TRIM22: variants seen among roughly 807,000 people sequenced by gnomAD.
The protein encoded by TRIM22 is E3 ubiquitin-protein ligase TRIM22.
Under a neutral mutation model 53.6 loss-of-function variants are expected in TRIM22, and 45 were observed. The observed-to-expected ratio is 0.84, with a 90% CI of 0.66 to 1.08. TRIM22 has a LOEUF of 1.08. Ranked by LOEUF, TRIM22 falls within the 50% of genes least tolerant of loss-of-function variation. TRIM22 has a pLI of 0.00. For missense variants in TRIM22, 616 were observed against 590.9 expected (o/e 1.04, Z -0.44); for synonymous variants, 225 against 216.6 (o/e 1.04, Z -0.34).
At chr11:5,696,824 G>A (rs1853271262) in intron 2 of TRIM22, 169 bp downstream of exon 2, 1 of 686,846 alleles carries the variant, frequency 1.5e-6, no homozygotes, top group Non-Finnish European at 2.3e-6. Flanking sequence ...GGACACTGCT[G>A]CACATTGTTT....
chr11:5,690,135 C>G (rs964043410), intron 1 of TRIM22, among the ~76,000 whole-genome samples: 5 of 152,150 alleles, frequency 3.3e-5, no homozygotes, highest in African/African-American at 1.2e-4. Context: ...CCTAGAGGGA[C>G]CATTCATTTC....
chr11:5,708,583 C>T lies in TRIM22; in HGVS notation c.881C>T (p.Thr294Ile). Residue 294 changes from threonine to isoleucine, a missense_variant, in exon 7 of 8, where the codon ACA (threonine) becomes ATA (isoleucine). Physicochemically the swap from Thr to Ile is moderately conservative, Grantham distance 89. Transcript: ENST00000379965. ...GAAACTTTTGTCGTTTCAGAGCTGA[C>T]AGATGTCCAGTACTACTGGGGTAAG... ...SGMLQVLKEL[T>I]DVQYYWVDVM... 1 of 1,605,082 alleles carries T rather than the reference C, an allele frequency of 6.2e-7. No individual in the cohort carries two copies. Among genetic ancestry groups the T allele is most frequent in the Non-Finnish European group, 8.5e-7 (1 of 1,177,630 alleles).
rs1046841326 is a variant in TRIM22 at position 5,710,192 on chromosome 11, T to A, written c.*544T>A. The stretch of plus-strand genomic sequence containing the variant: ...GAAGGCACGATTTCACTCATAACAA[T>A]CTTACCCTTTCTTGCAAGAGATGCT... On this transcript the variant is annotated 3_prime_UTR_variant, in exon 8 of 8. Transcript: ENST00000379965. The A allele has an allele frequency of 6.6e-6, 1 of 152,546 alleles. No homozygotes were observed. The highest frequency in any genetic ancestry group is 2.4e-5 in the African/African-American group (1 of 41,452). 9.4% of individuals were successfully genotyped at this position (152,546 alleles called of 1,614,324 possible).
intron 5 of TRIM22, among the ~76,000 whole-genome samples, chr11:5,707,111 C>G (rs1853471722): frequency 1.3e-5 from 2 of 152,128 alleles, no homozygotes; most frequent in African/African-American, 4.8e-5. Flanking sequence ...CTAGCATAAC[C>G]TTTTCTTGCT....
At position 5,707,749 on chromosome 11, in the gene TRIM22, T is replaced by C. The variant is rs541464031; in HGVS notation, c.774-424T>C. On this transcript the variant is annotated intron_variant, in intron 5 of 7. Coordinates refer to ENST00000379965, the MANE Select transcript of TRIM22 (RefSeq NM_006074.5). ...ATGGCTTGAACCTGGGAGGCAGAGGTTGCAGTGAGCCGAGGTCGCGCCACT... is the reference window on the plus strand; with the variant it reads ...ATGGCTTGAACCTGGGAGGCAGAGGCTGCAGTGAGCCGAGGTCGCGCCACT... Among the ~76,000 whole-genome samples, 17 of 152,078 alleles carry C rather than the reference T, an allele frequency of 1.1e-4. No homozygotes were observed. In the South Asian group the frequency reaches 3.5e-3, roughly 32 times the overall value.
chr11:5,702,046 T>C (rs1853380849), intron 4 of TRIM22, among the ~76,000 whole-genome samples: 1 of 149,356 alleles, frequency 6.7e-6, no homozygotes, highest in Non-Finnish European at 1.5e-5. Context: ...TCTTAGCTTA[T>C]TAGTTATATA....
rs1311246266 is a variant in TRIM22, at chr11:5,710,518, A to C, written c.*870A>C. The C allele has an allele frequency of 6.6e-6, 1 of 152,222 alleles. No individual in the cohort carries two copies. The highest frequency in any genetic ancestry group is 6.5e-5 in the Admixed American group (1 of 15,288). The allele number at this position is 152,222 out of a possible 1,614,324, so 9.4% of individuals were successfully genotyped here. A position where few individuals can be genotyped will look rare whatever the true frequency, so the allele number is the denominator to read the frequency against. On this transcript the variant is annotated 3_prime_UTR_variant, in exon 8 of 8. Coordinates refer to ENST00000379965, the MANE Select transcript of TRIM22 (RefSeq NM_006074.5). ...ATCACAAAATTAAAGCAAGAAGTCC[A>C]TAGTAATTTATTTGCTAATAGTGGA...
chr11:5,693,157 G>C (rs1249028731), intron 1 of TRIM22, among the ~76,000 whole-genome samples: 2 of 148,682 alleles, frequency 1.3e-5, no homozygotes, highest in Admixed American at 6.7e-5. Flanking sequence ...AAACTGCTGG[G>C]ATTACAGGCT....
In TRIM22 at chr11:5,696,158, C is replaced by A; in HGVS notation, c.-66-9C>A. 1 of 1,402,650 alleles carries A rather than the reference C, an allele frequency of 7.1e-7. No homozygotes were observed. Among genetic ancestry groups the A allele is most frequent in the South Asian group, 1.4e-5 (1 of 72,428 alleles). The allele number at this position is 1,402,650 out of a possible 1,614,324, so 86.9% of individuals were successfully genotyped here. A position where few individuals can be genotyped will look rare whatever the true frequency, so the allele number is the denominator to read the frequency against. ...TCTTTTCTTACCCTGTCCCCTTCAA[C>A]ATTCTCAGCACTGCAGGAGTTTGTG... On this transcript the variant is annotated splice_polypyrimidine_tract_variant and intron_variant, in intron 1 of 7. Coordinates refer to ENST00000379965, the MANE Select transcript of TRIM22 (RefSeq NM_006074.5).
At chr11:5,695,703 A>G (rs114593978) in intron 1 of TRIM22, among the ~76,000 whole-genome samples, 270 of 152,310 alleles carry the variant, frequency 1.8e-3, no homozygotes, top group African/African-American at 6.3e-3. Flanking sequence ...CTATGTAAAT[A>G]CAATTCAATA....
At position 5,709,305 on chromosome 11, in the gene TRIM22, G is replaced by C; in HGVS notation, c.1154G>C (p.Gly385Ala). 1 of 1,613,912 alleles carries C rather than the reference G, an allele frequency of 6.2e-7. No individual in the cohort carries two copies. Among genetic ancestry groups the C allele is most frequent in the Non-Finnish European group, 8.5e-7 (1 of 1,179,974 alleles). Residue 385 changes from glycine to alanine, a missense_variant, in exon 8 of 8, where the codon GGG becomes GCG. Coordinates refer to ENST00000379965, the MANE Select transcript of TRIM22 (RefSeq NM_006074.5). ...ISSLNKRKSS[G>A]FAFDPSVNYS... ...AGTCTGAATAAAAGGAAGAGCTCTG[G>C]GTTTGCTTTTGATCCAAGTGTAAAT...
chr11:5,700,665 C>T (rs979020966), intron 4 of TRIM22, among the ~76,000 whole-genome samples: 7 of 134,738 alleles, frequency 5.2e-5, no homozygotes, highest in East Asian at 2.4e-4. Context: ...GACGCAGTCT[C>T]GTTCTGTCAC....
chr11:5,697,154 T>C, intron 2 of TRIM22, 94 bp from the exon 3 acceptor site: 1 of 913,118 alleles, frequency 1.1e-6, no homozygotes, highest in Non-Finnish European at 1.6e-6. Flanking sequence ...TAAACTAGTT[T>C]CTTCTGAGAG....
At position 5,698,457 on chromosome 11, in the gene TRIM22, A is replaced by C. The variant is rs1260191537; in HGVS notation, c.662A>C (p.Asp221Ala). ...NVLDNLAAAT[D>A]QLVQQRQDAS... ...CTGGATAACCTGGCAGCAGCTACAGACCAGCTGGTCCAGCAGAGGCAGGAT... is the reference window on the plus strand; with the variant it reads ...CTGGATAACCTGGCAGCAGCTACAGCCCAGCTGGTCCAGCAGAGGCAGGAT... The change falls in exon 4 of 8, where the codon GAC becomes GCC. Residue 221 changes from aspartate to alanine, a missense_variant. Transcript: ENST00000379965. 1.2e-6 allele frequency: 2 copies of C among 1,614,018 alleles called. No homozygotes were observed. The highest frequency in any genetic ancestry group is 2.2e-5 in the East Asian group (1 of 44,894).
At chr11:5,693,145 C>T (rs1476998747) in intron 1 of TRIM22, among the ~76,000 whole-genome samples, 1 of 151,034 alleles carries the variant, frequency 6.6e-6, no homozygotes, top group African/African-American at 2.4e-5. Context: ...CCTCGGCCCC[C>T]CAAACTGCTG....
intron 1 of TRIM22, among the ~76,000 whole-genome samples, chr11:5,691,621 T>C (rs1460806371): frequency 6.6e-6 from 1 of 152,252 alleles, no homozygotes; most frequent in East Asian, 1.9e-4. Context: ...AATGAACCTC[T>C]GGTATCCACT....
At chr11:5,702,580 T>C (rs922419911) in intron 4 of TRIM22, among the ~76,000 whole-genome samples, 2 of 151,864 alleles carry the variant, frequency 1.3e-5, no homozygotes, top group African/African-American at 4.8e-5. Flanking sequence ...CCTTCACATG[T>C]AGTGCAGGTA....
intron 2 of TRIM22, 124 bp downstream of exon 2, chr11:5,696,779 T>G: frequency 3.9e-6 from 4 of 1,027,044 alleles, no homozygotes; most frequent in Middle Eastern, 2.2e-4. Flanking sequence ...CTGTGATCTC[T>G]TTCCATACTC....
At chr11:5,698,199 C>G in intron 3 of TRIM22, 116 bp from the exon 4 acceptor site, 1 of 806,856 alleles carries the variant, frequency 1.2e-6, no homozygotes, top group Non-Finnish European at 2.0e-6. Flanking sequence ...GCTTTTGCCT[C>G]CTATTCCTTT....
Sources: allele counts gnomAD v4.1 joint callset (sites outside exome capture counted in the v4.1 genomes callset), GRCh38; gene constraint gnomAD v4.1.1; transcripts MANE v1.5; gene names NCBI Gene and HGNC (gene_info 2026-07-23, HGNC 2026-07-21).